Variants in CACNA2D3 observed in about 807,000 individuals in gnomAD.
The protein encoded by CACNA2D3 is voltage-dependent calcium channel subunit alpha-2/delta-3.
In CACNA2D3, 60 loss-of-function variants were observed where a neutral mutation model predicts 160.6. The ratio of observed to expected loss-of-function variants is 0.37; its 90% CI spans 0.30 to 0.46. The LOEUF is 0.46. Among genes scored for constraint, CACNA2D3 ranks in the 20% least tolerant of loss-of-function variants. The pLI is 1.00. For synonymous variants in CACNA2D3, 558 were observed against 492.9 expected (o/e 1.13, Z -1.75); for missense variants, 1,205 against 1,365.0 (o/e 0.88, Z 1.85).
intron 5 of CACNA2D3, among the ~76,000 whole-genome samples, chr3:54,534,759 CA>C (rs11384118): frequency 1.3e-5 from 2 of 148,292 alleles, no homozygotes; most frequent in African/African-American, 2.5e-5. Flanking sequence ...GTTGTCTCTA[CA>C]AAAAAAAAAT....
intron 3 of CACNA2D3, among the ~76,000 whole-genome samples, chr3:54,379,378 G>C (rs975955551): frequency 1.3e-5 from 2 of 152,222 alleles, no homozygotes; most frequent in African/African-American, 2.4e-5. Flanking sequence ...CACCTTGATA[G>C]TTGGTGATTT....
At chr3:54,938,428 A>G (rs149329369) in intron 27 of CACNA2D3, among the ~76,000 whole-genome samples, 155 of 152,286 alleles carry the variant, frequency 1.0e-3, no homozygotes, top group Admixed American at 2.3e-3. Context: ...AGCAGACAGT[A>G]TTAGATAGCC....
chr3:54,611,570 T>C lies in CACNA2D3; in HGVS notation c.964-16217T>C, dbSNP rs556185359. 2.6e-5 allele frequency among the ~76,000 whole-genome samples: 4 copies of C among 152,310 alleles called. No individual in the cohort carries two copies. In the South Asian group the frequency reaches 8.3e-4, roughly 32 times the overall value. ...TGGAAGGGCCATTTTGTTAATTTAG[T>C]GTGCCTGCTTTTGTGCTCAAATGAG... On this transcript the variant is annotated intron_variant, in intron 9 of 37. Coordinates refer to ENST00000474759, the MANE Select transcript of CACNA2D3 (RefSeq NM_018398.3).
intron 15 of CACNA2D3, 135 bp downstream of exon 15, chr3:54,837,365 T>C (rs971331183): frequency 1.3e-6 from 1 of 748,848 alleles, no homozygotes; most frequent in Non-Finnish European, 2.3e-6. Context: ...TTGATCTTGC[T>C]GTTAGAATCA....
At chr3:54,580,207 T>C (rs1018873842) in intron 8 of CACNA2D3, among the ~76,000 whole-genome samples, 1 of 152,124 alleles carries the variant, frequency 6.6e-6, no homozygotes, top group Non-Finnish European at 1.5e-5. Context: ...TAAGATAACG[T>C]GCAGATGAAG....
At chr3:54,248,012 C>T (rs962552789) in intron 2 of CACNA2D3, among the ~76,000 whole-genome samples, 8 of 152,156 alleles carry the variant, frequency 5.3e-5, no homozygotes, top group Non-Finnish European at 8.8e-5. Flanking sequence ...TTTTCCTTAA[C>T]GGTGACTGTT....
At chr3:54,490,110 A>G (rs1701084405) in intron 4 of CACNA2D3, among the ~76,000 whole-genome samples, 1 of 152,220 alleles carries the variant, frequency 6.6e-6, no homozygotes. Flanking sequence ...TCTAAGTTGT[A>G]AAAAGCTGGC....
chr3:54,497,376 A>G (rs1398022917), intron 4 of CACNA2D3, among the ~76,000 whole-genome samples: 2 of 152,020 alleles, frequency 1.3e-5, no homozygotes, highest in African/African-American at 2.4e-5. Context: ...GTTTTATTCT[A>G]TGCTATCATA....
At chr3:54,608,109 T>G (rs893267215) in intron 9 of CACNA2D3, among the ~76,000 whole-genome samples, 9 of 152,216 alleles carry the variant, frequency 5.9e-5, no homozygotes, top group Non-Finnish European at 1.5e-5. Flanking sequence ...AGTCTATTCT[T>G]GTGATAAAAT....
intron 4 of CACNA2D3, among the ~76,000 whole-genome samples, chr3:54,450,924 C>T (rs1023656106): frequency 6.6e-6 from 1 of 152,106 alleles, no homozygotes; most frequent in African/African-American, 2.4e-5. Flanking sequence ...AACAAGTTAT[C>T]TGCTTTTGAA....
intron 11 of CACNA2D3, among the ~76,000 whole-genome samples, chr3:54,673,399 T>G (rs139772793): frequency 1.6e-3 from 238 of 152,344 alleles, no homozygotes; most frequent in Non-Finnish European, 2.5e-3. Context: ...GAGGAGAATA[T>G]GTCATTCTTC....
chr3:54,765,675 C>A (rs1461377060), intron 13 of CACNA2D3, among the ~76,000 whole-genome samples: 2 of 151,956 alleles, frequency 1.3e-5, no homozygotes, highest in African/African-American at 4.8e-5. Context: ...TGTACAAACC[C>A]CAAATAGCCA....
intron 35 of CACNA2D3, among the ~76,000 whole-genome samples, chr3:55,026,815 C>G (rs1442378105): frequency 1.3e-5 from 2 of 152,160 alleles, no homozygotes; most frequent in Admixed American, 6.5e-5. Context: ...ATGCTAACTA[C>G]CCTGACACCG....
intron 5 of CACNA2D3, among the ~76,000 whole-genome samples, chr3:54,529,789 T>C (rs925564559): frequency 6.6e-6 from 1 of 152,238 alleles, no homozygotes; most frequent in Non-Finnish European, 1.5e-5. Context: ...TTGTTTCTTA[T>C]CCAGTTTGGG....
intron 2 of CACNA2D3, among the ~76,000 whole-genome samples, chr3:54,267,369 G>C (rs1702537737): frequency 6.6e-6 from 1 of 152,168 alleles, no homozygotes; most frequent in African/African-American, 2.4e-5. Flanking sequence ...AGAACCTCCT[G>C]TTCTGGGCTA....
At chr3:54,386,580 T>C (rs868487026) in intron 3 of CACNA2D3, 135 bp from the exon 4 acceptor site, 1 of 692,810 alleles carries the variant, frequency 1.4e-6, no homozygotes, top group Admixed American at 3.0e-5. Context: ...ATTTTCAGTT[T>C]CATGGGAGCA....
chr3:54,491,241 AG>A (rs1480817746), intron 4 of CACNA2D3, among the ~76,000 whole-genome samples: 1 of 152,174 alleles, frequency 6.6e-6, no homozygotes, highest in Admixed American at 6.5e-5. Context: ...TGCGCCTCTT[AG>A]GGAGTTTGCA....
intron 3 of CACNA2D3, among the ~76,000 whole-genome samples, chr3:54,340,455 A>C (rs1704491618): frequency 6.6e-6 from 1 of 152,220 alleles, no homozygotes; most frequent in Non-Finnish European, 1.5e-5. Flanking sequence ...TATTTTGTCA[A>C]GGTCAGGCTG....
intron 36 of CACNA2D3, 92 bp downstream of exon 36, chr3:55,073,649 G>A: frequency 7.8e-7 from 1 of 1,279,166 alleles, no homozygotes. Context: ...ATTAGAGAAG[G>A]AAAATTACAT....
Sources: allele counts gnomAD v4.1 joint callset (sites outside exome capture counted in the v4.1 genomes callset), GRCh38; gene constraint gnomAD v4.1.1; transcripts MANE v1.5; gene names NCBI Gene and HGNC (gene_info 2026-07-23, HGNC 2026-07-21).